The following CEP112 variants were observed in gnomAD, a reference collection of about 807,000 sequenced individuals.
The protein encoded by CEP112 is centrosomal protein of 112 kDa.
A neutral mutation model predicts 153.0 loss-of-function variants in CEP112; 127 were observed. The ratio of observed to expected loss-of-function variants is 0.83; its 90% CI spans 0.72 to 0.96. The LOEUF (loss-of-function observed/expected upper bound fraction) is 0.96. Among genes scored for constraint, CEP112 ranks in the 40% least tolerant of loss-of-function variants. CEP112 has a pLI of 0.00. For missense variants in CEP112, 1,089 were observed against 1,101.2 expected (o/e 0.99, Z 0.16); for synonymous variants, 358 against 374.4 (o/e 0.96, Z 0.51).
intron 21 of CEP112, among the ~76,000 whole-genome samples, chr17:65,778,342 T>C (rs542677021): frequency 7.4e-4 from 113 of 152,332 alleles, no homozygotes; most frequent in African/African-American, 2.5e-3. Flanking sequence ...TGCTTTGCAG[T>C]CTCTGTCCCT....
At chr17:65,831,193 C>T (rs980924395) in intron 21 of CEP112, among the ~76,000 whole-genome samples, 2 of 152,154 alleles carry the variant, frequency 1.3e-5, no homozygotes, top group African/African-American at 4.8e-5. Context: ...CTGAAAGAAA[C>T]TACCAATAGA....
At chr17:65,931,037 G>A (rs2061104136) in intron 18 of CEP112, among the ~76,000 whole-genome samples, 1 of 152,096 alleles carries the variant, frequency 6.6e-6, no homozygotes, top group Non-Finnish European at 1.5e-5. Context: ...TTTCAAATAT[G>A]TAAGCTTTGT....
intron 17 of CEP112, among the ~76,000 whole-genome samples, chr17:66,001,281 T>C (rs960087408): frequency 5.3e-5 from 8 of 152,232 alleles, no homozygotes; most frequent in Non-Finnish European, 1.0e-4. Flanking sequence ...ATTCATGTCC[T>C]TTGCCCACTT....
At chr17:65,985,854 T>TC (rs953448765) in intron 17 of CEP112, among the ~76,000 whole-genome samples, 1 of 151,354 alleles carries the variant, frequency 6.6e-6, no homozygotes, top group South Asian at 2.1e-4. Flanking sequence ...TTTTGTTTTT[T>TC]TTTTTTTTAA....
chr17:66,120,437 G>T (rs2069519852), intron 6 of CEP112, among the ~76,000 whole-genome samples: 1 of 152,118 alleles, frequency 6.6e-6, no homozygotes, highest in Admixed American at 6.5e-5. Flanking sequence ...CTGGCCTCAG[G>T]TCATCAGCCC....
chr17:65,679,044 TATTAG>T (rs1386173588), intron 24 of CEP112, among the ~76,000 whole-genome samples: 1 of 149,912 alleles, frequency 6.7e-6, no homozygotes, highest in Non-Finnish European at 1.5e-5. Context: ...CACCAAAATC[TATTAG>T]AATAACTGAT....
intron 23 of CEP112, among the ~76,000 whole-genome samples, chr17:65,703,777 A>G (rs2048763599): frequency 7.0e-6 from 1 of 142,932 alleles, no homozygotes; most frequent in African/African-American, 2.7e-5. Context: ...ATTTACTATT[A>G]AGATATTTAG....
chr17:65,878,514 G>T (rs1288343881), intron 20 of CEP112, among the ~76,000 whole-genome samples: 1 of 152,124 alleles, frequency 6.6e-6, no homozygotes, highest in African/African-American at 2.4e-5. Context: ...AAATGGGACA[G>T]GCGTGTTTGG....
chr17:66,136,820 G>A (rs1017759697), intron 4 of CEP112, among the ~76,000 whole-genome samples: 1 of 152,106 alleles, frequency 6.6e-6, no homozygotes, highest in Non-Finnish European at 1.5e-5. Context: ...ACACACAGAA[G>A]TCCAGAGAAG....
intron 21 of CEP112, among the ~76,000 whole-genome samples, chr17:65,841,954 T>G (rs1159996437): frequency 6.6e-6 from 1 of 151,856 alleles, no homozygotes; most frequent in African/African-American, 2.4e-5. Flanking sequence ...ATCTGCTTAT[T>G]TTACTCACTT....
intron 4 of CEP112, among the ~76,000 whole-genome samples, chr17:66,164,394 C>T (rs755731351): frequency 4.0e-5 from 6 of 151,556 alleles, no homozygotes; most frequent in Non-Finnish European, 7.4e-5. Flanking sequence ...CCCGTCTCTA[C>T]CAAAAATACA....
intron 4 of CEP112, among the ~76,000 whole-genome samples, chr17:66,174,224 G>A (rs540345003): frequency 1.1e-4 from 16 of 152,158 alleles, no homozygotes; most frequent in East Asian, 3.9e-4. Context: ...CACCATGCCC[G>A]GCCTGTTTAT....
chr17:66,144,940 T>G (rs922096823), intron 4 of CEP112, among the ~76,000 whole-genome samples: 5 of 152,158 alleles, frequency 3.3e-5, no homozygotes, highest in Non-Finnish European at 7.4e-5. Context: ...TTATAAGAAA[T>G]AGCCAAACTG....
chr17:66,178,511 T>C (rs911538168), intron 2 of CEP112, among the ~76,000 whole-genome samples: 23 of 152,232 alleles, frequency 1.5e-4, no homozygotes, highest in African/African-American at 5.3e-4. Context: ...TTCTCTGGAT[T>C]GTCTCTTCAC....
intron 11 of CEP112, among the ~76,000 whole-genome samples, chr17:66,060,136 TA>T (rs2066867825): frequency 1.3e-5 from 2 of 152,054 alleles, no homozygotes; most frequent in Non-Finnish European, 2.9e-5. Flanking sequence ...TGGGGACTCC[TA>T]GAGGAAAGAG....
At chr17:66,086,014 T>C (rs2067914427) in intron 8 of CEP112, among the ~76,000 whole-genome samples, 1 of 148,518 alleles carries the variant, frequency 6.7e-6, no homozygotes, top group African/African-American at 2.5e-5. Flanking sequence ...AAATGGTCTA[T>C]ATACAGTATA....
chr17:66,084,763 A>T (rs1054128414), intron 8 of CEP112, among the ~76,000 whole-genome samples: 4 of 152,090 alleles, frequency 2.6e-5, no homozygotes, highest in African/African-American at 9.7e-5. Flanking sequence ...CAATAAGGTG[A>T]CTACAGTCAA....
intron 23 of CEP112, among the ~76,000 whole-genome samples, chr17:65,735,043 C>G (rs1322994908): frequency 1.3e-5 from 2 of 152,150 alleles, no homozygotes; most frequent in Non-Finnish European, 2.9e-5. Flanking sequence ...TCTCTTCCTT[C>G]CCCTTTCTTC....
chr17:66,076,245 C>T (rs1202650040), intron 8 of CEP112, among the ~76,000 whole-genome samples: 1 of 1,084 alleles, frequency 9.2e-4, no homozygotes, highest in East Asian at 0.038. Context: ...TGTGCAGACT[C>T]CACAGGCGGC....
Sources: allele counts gnomAD v4.1 joint callset (sites outside exome capture counted in the v4.1 genomes callset), GRCh38; gene constraint gnomAD v4.1.1; transcripts MANE v1.5; gene names NCBI Gene and HGNC (gene_info 2026-07-23, HGNC 2026-07-21).